Variants in CPEB4 observed in about 807,000 individuals in gnomAD.
The protein encoded by CPEB4 is cytoplasmic polyadenylation element-binding protein 4.
Under a neutral mutation model 72.5 loss-of-function variants are expected in CPEB4, and 12 were observed. The observed-to-expected ratio is 0.17, with a 90% confidence interval of 0.11 to 0.27. The LOEUF is 0.27. Ranked by LOEUF, CPEB4 falls within the 10% of genes least tolerant of loss-of-function variation. CPEB4 has a pLI of 1.00. For missense variants in CPEB4, 614 were observed against 908.5 expected, an observed-to-expected ratio of 0.68 and a Z score of 4.17; for synonymous variants, 302 against 326.3, an observed-to-expected ratio of 0.93 and a Z score of 0.80.
In CPEB4 at chr5:173,960,514, G is replaced by A. The variant is rs1194046054; in HGVS notation, c.*4377G>A. The A allele has an allele frequency of 1.3e-5, 2 of 152,180 alleles. No homozygotes were observed. Among genetic ancestry groups the A allele is most frequent in the African/African-American group, 4.8e-5 (2 of 41,418 alleles). 9.4% of individuals were successfully genotyped at this position (152,180 alleles called of 1,614,324 possible). On this transcript the variant is annotated 3_prime_UTR_variant, in exon 10 of 10. Transcript: ENST00000265085. ...GCGTCGGTGGGTGGTTGTGTCTTTG[G>A]CCTGTACTGTTAGTTCACCTGCTGC...
chr5:173,931,692 A>G (rs754501008), intron 2 of CPEB4, among the ~76,000 whole-genome samples: 39 of 152,190 alleles, frequency 2.6e-4, no homozygotes, highest in Middle Eastern at 3.4e-3. Context: ...ACTTACATGT[A>G]AAACTCTTCC....
chr5:173,932,139 A>G (rs1473149678), intron 2 of CPEB4, among the ~76,000 whole-genome samples: 4 of 152,232 alleles, frequency 2.6e-5, no homozygotes, highest in Admixed American at 6.5e-5. Flanking sequence ...ACAAATGAAG[A>G]AAAATTTTCA....
At chr5:173,945,499 A>G (rs1165104870) in intron 5 of CPEB4, among the ~76,000 whole-genome samples, 1 of 152,132 alleles carries the variant, frequency 6.6e-6, no homozygotes, top group Non-Finnish European at 1.5e-5. Flanking sequence ...CCCACATTTT[A>G]TGAGTGCTCC....
chr5:173,916,245 C>T (rs1449185753), intron 2 of CPEB4, among the ~76,000 whole-genome samples: 1 of 152,140 alleles, frequency 6.6e-6, no homozygotes, highest in African/African-American at 2.4e-5. Flanking sequence ...TTTTTCTCTT[C>T]ATATTGTTGT....
intron 1 of CPEB4, among the ~76,000 whole-genome samples, chr5:173,909,566 GA>G (rs1269593395): frequency 6.6e-6 from 1 of 151,682 alleles, no homozygotes; most frequent in African/African-American, 2.4e-5. Context: ...GAAGGAAGGA[GA>G]TTTTTTTTCA....
At chr5:173,912,167 C>T (rs1581125285) in intron 2 of CPEB4, among the ~76,000 whole-genome samples, 2 of 152,208 alleles carry the variant, frequency 1.3e-5, no homozygotes, top group South Asian at 2.1e-4. Context: ...GAAAGATGAT[C>T]TCCCACTCAG....
intron 5 of CPEB4, among the ~76,000 whole-genome samples, chr5:173,947,500 T>C (rs989839569): frequency 2.6e-5 from 4 of 152,038 alleles, no homozygotes; most frequent in African/African-American, 9.7e-5. Flanking sequence ...GAGGAGGCTA[T>C]AGGGGAAAGA....
Position 173,921,476 on chromosome 5 carries a change from C to G in CPEB4, c.1207+10872C>G, listed in dbSNP as rs144065165. Among the ~76,000 whole-genome samples, 595 of 152,288 alleles carry G rather than the reference C, an allele frequency of 3.9e-3. 1 individual carries two copies. The highest frequency in any genetic ancestry group is 0.013 in the African/African-American group (550 of 41,554). Reference sequence around the variant, plus strand: ...GAGGAGTGAGGAGGCTACTGACGCTCTCCTAAATTGTCCTCTCCACCAAGT... The same window carrying G: ...GAGGAGTGAGGAGGCTACTGACGCTGTCCTAAATTGTCCTCTCCACCAAGT... On this transcript the variant is annotated intron_variant, in intron 2 of 9. Transcript: ENST00000265085.
chr5:173,915,488 T>C (rs1756835611), intron 2 of CPEB4, among the ~76,000 whole-genome samples: 1 of 152,164 alleles, frequency 6.6e-6, no homozygotes, highest in African/African-American at 2.4e-5. Context: ...TATTGCCTTC[T>C]CCATAACCAA....
chr5:173,920,570 G>C (rs1757035317), intron 2 of CPEB4, among the ~76,000 whole-genome samples: 1 of 152,160 alleles, frequency 6.6e-6, no homozygotes, highest in African/African-American at 2.4e-5. Context: ...AAGGAGAAGT[G>C]TTCAGGGTTG....
At chr5:173,906,634 CCTT>C (rs1334533357) in intron 1 of CPEB4, among the ~76,000 whole-genome samples, 7 of 152,294 alleles carry the variant, frequency 4.6e-5, no homozygotes, top group South Asian at 2.1e-4. Context: ...GCCTGAGAAT[CCTT>C]CTCAAAACAC....
chr5:173,902,591 C>A (rs1756275281), intron 1 of CPEB4, among the ~76,000 whole-genome samples: 1 of 151,978 alleles, frequency 6.6e-6, no homozygotes, highest in African/African-American at 2.4e-5. Context: ...TGTGAACACC[C>A]CAGCATCCAA....
rs193069016 is a variant in CPEB4 at position 173,959,677 on chromosome 5, T to C, written c.*3540T>C. 533 of 152,856 alleles carry C rather than the reference T, an allele frequency of 3.5e-3. 1 individual carries two copies. Among genetic ancestry groups the C allele is most frequent in the Non-Finnish European group, 5.6e-3 (379 of 68,004 alleles). 9.5% of individuals were successfully genotyped at this position (152,856 alleles called of 1,614,324 possible). A position where few individuals can be genotyped will look rare whatever the true frequency, so the allele number is the denominator to read the frequency against. On this transcript the variant is annotated 3_prime_UTR_variant, in exon 10 of 10. Transcript: ENST00000265085. ...TCTAAAGAAAAGAATCAGAAATCAA[T>C]CTTTCTACTAATGTAAATTTGAGAT...
At position 173,959,483 on chromosome 5, in the gene CPEB4, G is replaced by A. The variant is rs780462696; in HGVS notation, c.*3346G>A. 1.3e-5 allele frequency: 2 copies of A among 152,734 alleles called. No homozygotes were observed. Among genetic ancestry groups the A allele is most frequent in the Non-Finnish European group, 2.9e-5 (2 of 68,002 alleles). 9.5% of individuals were successfully genotyped at this position (152,734 alleles called of 1,614,324 possible). A position where few individuals can be genotyped will look rare whatever the true frequency, so the allele number is the denominator to read the frequency against. ...AGAGTTGAATCTTCTGTTAAAAGGTGATTTAAAACTTGAATGTGATGAATT... is the reference window on the plus strand; with the variant it reads ...AGAGTTGAATCTTCTGTTAAAAGGTAATTTAAAACTTGAATGTGATGAATT... On this transcript the variant is annotated 3_prime_UTR_variant, in exon 10 of 10. Coordinates refer to ENST00000265085, the MANE Select transcript of CPEB4 (RefSeq NM_030627.4).
At chr5:173,908,922 T>G (rs187498611) in intron 1 of CPEB4, among the ~76,000 whole-genome samples, 1 of 121,092 alleles carries the variant, frequency 8.3e-6, no homozygotes, top group Non-Finnish European at 1.7e-5. Context: ...GCAGTGGCCT[T>G]TGTGTGTTTA....
At chr5:173,897,831 A>G (rs1215135219) in intron 1 of CPEB4, among the ~76,000 whole-genome samples, 2 of 152,112 alleles carry the variant, frequency 1.3e-5, no homozygotes, top group Non-Finnish European at 2.9e-5. Flanking sequence ...TGTAATTATC[A>G]ATTATAAATA....
intron 2 of CPEB4, among the ~76,000 whole-genome samples, chr5:173,923,850 A>G (rs1475944653): frequency 1.3e-5 from 2 of 152,120 alleles, no homozygotes; most frequent in Non-Finnish European, 1.5e-5. Flanking sequence ...TGTCCTCTAA[A>G]TGTAGCATCT....
At chr5:173,905,726 G>A (rs359424) in intron 1 of CPEB4, among the ~76,000 whole-genome samples, 98,838 of 152,016 alleles carry the variant, frequency 0.65, 32,994 homozygotes, top group Non-Finnish European at 0.73. Flanking sequence ...GGCAAAAGTG[G>A]TGGACTTTGA....
At position 173,927,504 on chromosome 5, in the gene CPEB4, G is replaced by A. The variant is rs574453410; in HGVS notation, c.1208-4946G>A. Among the ~76,000 whole-genome samples the A allele has an allele frequency of 2.1e-4, 32 of 152,228 alleles. 1 individual carries two copies. Among genetic ancestry groups the A allele is most frequent in the East Asian group, 3.9e-4 (2 of 5,142 alleles). On this transcript the variant is annotated intron_variant, in intron 2 of 9. Transcript: ENST00000265085. ...ATTAAAAAGATGTTTCCAGCCAGGC[G>A]CAGTGGCTCAAGCCTGTAATCCCAG... is the stretch of plus-strand genomic sequence containing the variant.
Sources: gnomAD v4.1 joint callset for allele counts (sites outside exome capture counted in the v4.1 genomes callset) on GRCh38, gnomAD v4.1.1 for gene constraint, MANE v1.5 for transcripts, NCBI Gene and HGNC (gene_info 2026-07-23, HGNC 2026-07-21) for gene names.